Variants in CLPB observed in about 807,000 individuals in gnomAD.
CLPB encodes the protein mitochondrial disaggregase.
Under a neutral mutation model 78.4 loss-of-function variants are expected in CLPB, and 40 were observed. The ratio of observed to expected loss-of-function variants is 0.51; its 90% CI spans 0.40 to 0.66. The LOEUF (loss-of-function observed/expected upper bound fraction) is 0.66, where lower values mean the gene tolerates loss of function less well. Ranked by LOEUF, CLPB falls within the 30% of genes least tolerant of loss-of-function variation. CLPB has a pLI of 0.00. For synonymous variants in CLPB, 333 were observed against 348.0 expected, an observed-to-expected ratio of 0.96 and a Z score of 0.48; for missense variants, 780 against 886.9, an observed-to-expected ratio of 0.88 and a Z score of 1.53.
At chr11:72,366,713 G>A (rs765885626) in intron 4 of CLPB, among the ~76,000 whole-genome samples, 5 of 151,960 alleles carry the variant, frequency 3.3e-5, no homozygotes, top group African/African-American at 7.3e-5. Context: ...ATACCATCTC[G>A]CACCAGTCAG....
chr11:72,395,108 C>A (rs572336704), intron 3 of CLPB, among the ~76,000 whole-genome samples: 1 of 152,280 alleles, frequency 6.6e-6, no homozygotes, highest in East Asian at 1.9e-4. Flanking sequence ...GCTGGCTCTA[C>A]ACAGCATCAT....
In CLPB at chr11:72,331,328, C is replaced by T. The variant is rs565204632; in HGVS notation, c.776-1524G>A. Among the ~76,000 whole-genome samples, 441 of 151,166 alleles carry T rather than the reference C, an allele frequency of 2.9e-3. 1 individual carries two copies. Among genetic ancestry groups the T allele is most frequent in the Non-Finnish European group, 5.0e-3 (342 of 67,840 alleles). On this transcript the variant is annotated intron_variant, in intron 5 of 15. Transcript: ENST00000538039. ...CCGAGGCAGGAAAATAGTGTGAACC[C>T]GGGAGGCGGAGCTTGCAGTGAGCAG...
chr11:72,339,783 C>T (rs1950386318), intron 5 of CLPB, among the ~76,000 whole-genome samples: 1 of 152,158 alleles, frequency 6.6e-6, no homozygotes, highest in Non-Finnish European at 1.5e-5. Flanking sequence ...TGATTACAGA[C>T]CTCAGCACAT....
intron 3 of CLPB, among the ~76,000 whole-genome samples, chr11:72,392,062 T>C (rs1855268628): frequency 1.3e-5 from 2 of 151,946 alleles, no homozygotes; most frequent in Non-Finnish European, 2.9e-5. Context: ...CAGGCTTGTG[T>C]TGGGCCAGGC....
rs1949455120 is a variant in CLPB at position 72,291,752 on chromosome 11, A to G, written c.*1615T>C. On this transcript the variant is annotated 3_prime_UTR_variant, in exon 16 of 16. Coordinates refer to ENST00000538039, the MANE Select transcript of CLPB (RefSeq NM_001258392.3). The stretch of plus-strand genomic sequence containing the variant: ...ATTTCAAAACAAAAAGTAAAAAACA[A>G]TGAAAAGCAGGCCGGGTCCAGTGGC... 2 of 152,044 alleles carry G rather than the reference A, an allele frequency of 1.3e-5. No homozygotes were observed. Among genetic ancestry groups the G allele is most frequent in the East Asian group, 2.0e-4 (1 of 5,120 alleles). 9.4% of individuals were successfully genotyped at this position (152,044 alleles called of 1,614,324 possible). A position where few individuals can be genotyped will look rare whatever the true frequency, so the allele number is the denominator to read the frequency against.
intron 3 of CLPB, 70 bp downstream of exon 3, chr11:72,402,896 G>C (rs1855603688): frequency 5.4e-6 from 7 of 1,288,754 alleles, no homozygotes; most frequent in Non-Finnish European, 1.1e-6. Context: ...ACACCAGGTG[G>C]GAGAGTGCTC....
At chr11:72,396,277 G>T (rs1203312035) in intron 3 of CLPB, among the ~76,000 whole-genome samples, 1 of 152,166 alleles carries the variant, frequency 6.6e-6, no homozygotes, top group African/African-American at 2.4e-5. Flanking sequence ...TGCACTCGGG[G>T]AGAAAAGGCA....
intron 2 of CLPB, among the ~76,000 whole-genome samples, chr11:72,420,946 G>A (rs1422976827): frequency 6.6e-6 from 1 of 152,184 alleles, no homozygotes; most frequent in Non-Finnish European, 1.5e-5. Flanking sequence ...GATCACCAGA[G>A]GTCGGGAGTT....
At chr11:72,396,687 T>C (rs368909735) in intron 3 of CLPB, among the ~76,000 whole-genome samples, 2 of 152,208 alleles carry the variant, frequency 1.3e-5, no homozygotes, top group Non-Finnish European at 2.9e-5. Context: ...CTTCATTACA[T>C]CACTGATAGT....
intron 11 of CLPB, among the ~76,000 whole-genome samples, chr11:72,300,282 C>A (rs899557474): frequency 6.6e-6 from 1 of 152,162 alleles, no homozygotes; most frequent in African/African-American, 2.4e-5. Flanking sequence ...TAAATTGATA[C>A]ACATAAGCCT....
chr11:72,351,026 T>C (rs545504555), intron 5 of CLPB, among the ~76,000 whole-genome samples: 15 of 152,196 alleles, frequency 9.9e-5, no homozygotes, highest in Non-Finnish European at 2.1e-4. Flanking sequence ...ACTGCTAACA[T>C]GGAGGGACTT....
intron 4 of CLPB, among the ~76,000 whole-genome samples, chr11:72,362,226 T>C (rs1248313260): frequency 6.6e-6 from 1 of 152,250 alleles, no homozygotes; most frequent in Non-Finnish European, 1.5e-5. Context: ...TGATTCCTCC[T>C]ACGTTTGAGG....
rs1334431973 is a variant in CLPB at position 72,312,908 on chromosome 11, C to T, written c.988+4198G>A. 1.3e-5 allele frequency among the ~76,000 whole-genome samples: 2 copies of T among 152,120 alleles called. No individual in the cohort carries two copies. The highest frequency in any genetic ancestry group is 2.9e-5 in the Non-Finnish European group (2 of 68,018). On this transcript the variant is annotated intron_variant, in intron 7 of 15. Coordinates refer to ENST00000538039, the MANE Select transcript of CLPB (RefSeq NM_001258392.3). The surrounding 1 kb of genome is among the most constrained non-coding windows in gnomAD (Gnocchi z 4.2). Reference sequence around the variant, plus strand: ...GGAAGAGCCATTTGTGCTGGCCTGACATTTGTGCTTGAAGGGTGAGAGGGA... The same window carrying T: ...GGAAGAGCCATTTGTGCTGGCCTGATATTTGTGCTTGAAGGGTGAGAGGGA...
At chr11:72,331,325 A>G (rs1950221513) in intron 5 of CLPB, among the ~76,000 whole-genome samples, 2 of 150,778 alleles carry the variant, frequency 1.3e-5, no homozygotes, top group Non-Finnish European at 3.0e-5. Context: ...AATAGTGTGA[A>G]CCCGGGAGGC....
intron 3 of CLPB, among the ~76,000 whole-genome samples, chr11:72,390,437 A>G: frequency 6.6e-6 from 1 of 151,488 alleles, no homozygotes; most frequent in African/African-American, 2.4e-5. Flanking sequence ...GACTGTCTCA[A>G]AAAAAAAACG....
rs768285039 is a variant in CLPB at position 72,434,360 on chromosome 11, T to C, written c.115A>G (p.Thr39Ala). The part of the protein sequence containing the change: ...HGGASGRNVT[T>A]GSLGEPQWLR... The stretch of plus-strand genomic sequence containing the variant: ...CACTGCGGCTCCCCGAGACTCCCAG[T>C]AGTCACATTCCGGCCGGAAGCACCT... Residue 39 changes from threonine (T) to alanine (A), a missense_variant, in exon 1 of 16, where the codon ACT becomes GCT. By Grantham distance (58) the Thr-to-Ala change is moderately conservative (BLOSUM62 0). Coordinates refer to ENST00000538039, the MANE Select transcript of CLPB (RefSeq NM_001258392.3). 6.2e-7 allele frequency: 1 copy of C among 1,611,954 alleles called. No individual in the cohort carries two copies. The highest frequency in any genetic ancestry group is 2.2e-5 in the East Asian group (1 of 44,848).
chr11:72,334,943 C>A (rs1950293150), intron 5 of CLPB, among the ~76,000 whole-genome samples: 1 of 152,268 alleles, frequency 6.6e-6, no homozygotes, highest in Non-Finnish European at 1.5e-5. Flanking sequence ...GCTGCGCCTG[C>A]CCGCTACAGC....
chr11:72,424,360 T>C (rs1856302271), intron 2 of CLPB, among the ~76,000 whole-genome samples: 1 of 152,238 alleles, frequency 6.6e-6, no homozygotes, highest in Non-Finnish European at 1.5e-5. Context: ...ACTAGCTGCC[T>C]CACCCATTAT....
chr11:72,359,683 G>T (rs963220745), intron 4 of CLPB, among the ~76,000 whole-genome samples: 1 of 152,192 alleles, frequency 6.6e-6, no homozygotes, highest in African/African-American at 2.4e-5. Flanking sequence ...CTATGTGTCA[G>T]ATTTTGATAT....
Sources: allele counts gnomAD v4.1 joint callset (sites outside exome capture counted in the v4.1 genomes callset), GRCh38; gene constraint gnomAD v4.1.1; non-coding constraint Gnocchi (gnomAD v3.1); transcripts MANE v1.5; gene names NCBI Gene and HGNC (gene_info 2026-07-23, HGNC 2026-07-21).